The following DLGAP2 variants were observed in gnomAD, a reference collection of about 807,000 sequenced individuals.
DLGAP2 encodes the protein DLG associated protein 2, also known as disks large-associated protein 2.
A neutral mutation model predicts 100.3 loss-of-function variants in DLGAP2; 26 were observed. The observed-to-expected ratio is 0.26, with a 90% CI of 0.19 to 0.36. DLGAP2 has a LOEUF of 0.36. Ranked by LOEUF, DLGAP2 falls within the 10% of genes least tolerant of loss-of-function variation. DLGAP2 has a pLI of 1.00. For synonymous variants in DLGAP2, 886 were observed against 630.1 expected, an observed-to-expected ratio of 1.41 and a Z score of -6.08; for missense variants, 1,858 against 1,453.2, an observed-to-expected ratio of 1.28 and a Z score of -4.53.
intron 14 of DLGAP2, among the ~76,000 whole-genome samples, chr8:1,700,046 A>G (rs554193250): frequency 1.2e-3 from 176 of 152,320 alleles, no homozygotes; most frequent in Non-Finnish European, 1.6e-3. Flanking sequence ...ATGGATGCCA[A>G]GAAGTCAGGT....
chr8:924,673 C>T (rs999741913), intron 2 of DLGAP2, among the ~76,000 whole-genome samples: 3 of 151,990 alleles, frequency 2.0e-5, no homozygotes, highest in African/African-American at 7.3e-5. Flanking sequence ...ACCTCCACCT[C>T]CTGGATTCAA....
intron 1 of DLGAP2, among the ~76,000 whole-genome samples, chr8:790,952 A>C (rs1295530204): frequency 6.6e-6 from 1 of 152,122 alleles, no homozygotes; most frequent in Non-Finnish European, 1.5e-5. Flanking sequence ...CATGTTGCCC[A>C]AGGTGGTCTA....
intron 3 of DLGAP2, among the ~76,000 whole-genome samples, chr8:1,282,739 C>T (rs1488712050): frequency 0.24 from 25,062 of 103,980 alleles, 2,857 homozygotes; most frequent in African/African-American, 0.31. Context: ...ACCATCTGGA[C>T]GTGGTGTGAC....
intron 2 of DLGAP2, among the ~76,000 whole-genome samples, chr8:1,028,789 C>A (rs1422167962): frequency 6.6e-6 from 1 of 151,148 alleles, no homozygotes; most frequent in Non-Finnish European, 1.5e-5. Flanking sequence ...TTTTTTAAAG[C>A]TGGAAGTCTT....
chr8:1,600,880 C>T (rs891427036), intron 6 of DLGAP2, among the ~76,000 whole-genome samples: 5 of 152,146 alleles, frequency 3.3e-5, no homozygotes, highest in Non-Finnish European at 5.9e-5. Context: ...TATAATTTGC[C>T]AAACTCATTC....
At chr8:1,620,558 A>T (rs2130755471) in intron 6 of DLGAP2, 1 of 152,258 alleles carries the variant, frequency 6.6e-6, no homozygotes, top group East Asian at 1.9e-4. Flanking sequence ...AACCTCCAAA[A>T]CCTGTTTTTC....
At chr8:1,657,639 A>C (rs567037239) in intron 8 of DLGAP2, among the ~76,000 whole-genome samples, 6 of 152,252 alleles carry the variant, frequency 3.9e-5, no homozygotes, top group Admixed American at 6.5e-5. Context: ...AGGCACAACA[A>C]ATGTTTGTCA....
At chr8:919,258 A>G (rs1469456644) in intron 2 of DLGAP2, among the ~76,000 whole-genome samples, 1 of 152,196 alleles carries the variant, frequency 6.6e-6, no homozygotes, top group Non-Finnish European at 1.5e-5. Flanking sequence ...GACTGGTAGG[A>G]AGGAAAAACA....
chr8:863,673 A>G (rs1234142352), intron 1 of DLGAP2, among the ~76,000 whole-genome samples: 1 of 152,188 alleles, frequency 6.6e-6, no homozygotes, highest in African/African-American at 2.4e-5. Flanking sequence ...AACCACAACG[A>G]GCTGTCCCCT....
At chr8:1,673,630 C>T (rs1382277015) in intron 10 of DLGAP2, among the ~76,000 whole-genome samples, 1 of 152,188 alleles carries the variant, frequency 6.6e-6, no homozygotes, top group African/African-American at 2.4e-5. Flanking sequence ...AGGGAATTTG[C>T]ATTTGCTGTG....
rs548651999 is a variant in DLGAP2 at position 1,179,506 on chromosome 8, C to G, written c.74-79345C>G. The stretch of plus-strand genomic sequence containing the variant: ...AAGAGACGTGGCTGCCCCACAGGCA[C>G]CTGGCTGCTGGGATGAGGCTTCCAC... On this transcript the variant is annotated intron_variant, in intron 2 of 14. Coordinates refer to ENST00000637795, the MANE Select transcript of DLGAP2 (RefSeq NM_001346810.2). Among the ~76,000 whole-genome samples the G allele has an allele frequency of 2.4e-3, 359 of 152,388 alleles. 8 individuals are homozygous for G. Among genetic ancestry groups the G allele is most frequent in the Non-Finnish European group, 3.5e-4 (24 of 68,046 alleles).
rs566531622 is a variant in DLGAP2 at position 1,388,533 on chromosome 8, G to A, written c.107-112833G>A. 3.0e-5 allele frequency among the ~76,000 whole-genome samples: 2 copies of A among 66,804 alleles called. 1 individual carries two copies. The highest frequency in any genetic ancestry group is 3.2e-4 in the Admixed American group (2 of 6,284). 43.8% of individuals were successfully genotyped at this position (66,804 alleles called of 152,430 possible). A position where few individuals can be genotyped will look rare whatever the true frequency, so the allele number is the denominator to read the frequency against. On this transcript the variant is annotated intron_variant, in intron 3 of 14. Coordinates refer to ENST00000637795, the MANE Select transcript of DLGAP2 (RefSeq NM_001346810.2). ...CCGTGGATGAGGAGGCGCTGGTTCA[G>A]GTGTCAGGGCTTTGAGAGGCAGAGG...
chr8:1,373,650 C>G (rs1802309730), intron 3 of DLGAP2: 1 of 152,268 alleles, frequency 6.6e-6, no homozygotes, highest in Non-Finnish European at 1.5e-5. Context: ...GGGTTCCAGT[C>G]TCGATCATCA....
intron 2 of DLGAP2, among the ~76,000 whole-genome samples, chr8:1,040,676 G>A (rs1159803498): frequency 6.2e-5 from 9 of 144,864 alleles, no homozygotes; most frequent in South Asian, 2.2e-4. Flanking sequence ...GTGTGTGGTC[G>A]GCTCGGTTTC....
chr8:1,670,821 G>T (rs1057283127), intron 10 of DLGAP2, among the ~76,000 whole-genome samples: 1 of 152,200 alleles, frequency 6.6e-6, no homozygotes, highest in African/African-American at 2.4e-5. Flanking sequence ...TCAGGATAAG[G>T]AAAACAGCCA....
rs927931192 is a variant in DLGAP2 at position 1,697,218 on chromosome 8, T to A, written c.2868T>A (p.Ile956=). The A allele has an allele frequency of 6.2e-7, 1 of 1,611,716 alleles. No individual in the cohort carries two copies. Among genetic ancestry groups the A allele is most frequent in the African/African-American group, 1.3e-5 (1 of 74,858 alleles). Residue 956 remains isoleucine (I), a synonymous_variant, in exon 14 of 15, where the codon ATT becomes ATA. Transcript: ENST00000637795. ...ACTGGGACATGCTGCAGCTCTCCAT[T>A]GAGGACGTCAGCATGAAGTTCGACG... ...AGYWDMLQLS[I]EDVSMKFDEL...
At chr8:1,671,548 C>T (rs560108798) in intron 10 of DLGAP2, among the ~76,000 whole-genome samples, 2 of 152,204 alleles carry the variant, frequency 1.3e-5, no homozygotes, top group Non-Finnish European at 2.9e-5. Flanking sequence ...GGGGTCCTGT[C>T]CCACAATGCA....
chr8:1,507,619 G>A (rs1274244570), intron 4 of DLGAP2, among the ~76,000 whole-genome samples: 1 of 152,192 alleles, frequency 6.6e-6, no homozygotes, highest in African/African-American at 2.4e-5. Context: ...CCGAGGCGGA[G>A]GAGGCGCCGG....
intron 2 of DLGAP2, among the ~76,000 whole-genome samples, chr8:1,138,768 T>C (rs1869032): frequency 0.89 from 134,362 of 151,212 alleles, 59,731 homozygotes; most frequent in Middle Eastern, 0.92. Context: ...GAAATTCTTC[T>C]TGTTTATTTA....
Sources: gnomAD v4.1 joint callset for allele counts (sites outside exome capture counted in the v4.1 genomes callset) on GRCh38, gnomAD v4.1.1 for gene constraint, MANE v1.5 for transcripts, NCBI Gene and HGNC (gene_info 2026-07-23, HGNC 2026-07-21) for gene names.